Variants in NAA60 observed in about 807,000 individuals in gnomAD.
NAA60 encodes the protein N-alpha-acetyltransferase 60, NatF catalytic subunit, also known as N-alpha-acetyltransferase 60.
A neutral mutation model predicts 26.1 loss-of-function variants in NAA60; 8 were observed. The observed-to-expected ratio is 0.31, with a 90% CI of 0.18 to 0.55. The LOEUF (loss-of-function observed/expected upper bound fraction) is 0.55. NAA60 is among the 20% of genes least tolerant of loss of function. The pLI, the probability that NAA60 is intolerant of heterozygous loss-of-function variation, is 0.93. For missense variants in NAA60, 290 were observed against 311.3 expected, an observed-to-expected ratio of 0.93 and a Z score of 0.51; for synonymous variants, 131 against 122.5, an observed-to-expected ratio of 1.07 and a Z score of -0.46.
rs577401926 is a variant in NAA60 at position 3,458,958 on chromosome 16, G to A, written c.-7+10418G>A. Among the ~76,000 whole-genome samples the A allele has an allele frequency of 6.6e-5, 10 of 152,320 alleles. No homozygotes were observed. In the East Asian group the frequency reaches 1.9e-3, roughly 29 times the overall value. On this transcript the variant is annotated intron_variant, in intron 2 of 7. Transcript: ENST00000407558. ...AAATCTGTGTGCCCAAACGGAGACA[G>A]GACCCAGGGTCTGGACATCAGGCAA...
chr16:3,469,011 G>A (rs964741670), intron 2 of NAA60, among the ~76,000 whole-genome samples: 14 of 152,004 alleles, frequency 9.2e-5, no homozygotes, highest in South Asian at 4.2e-4. Flanking sequence ...GCTTGAACTC[G>A]GGAGGCAGAA....
At chr16:3,448,943 C>G (rs563229823) in intron 2 of NAA60, 23 of 163,966 alleles carry the variant, frequency 1.4e-4, no homozygotes, top group Non-Finnish European at 2.5e-4. Flanking sequence ...GGTGGTCATC[C>G]TGTGCCACCT....
intron 2 of NAA60, among the ~76,000 whole-genome samples, chr16:3,469,083 C>G (rs1163705767): frequency 1.5e-5 from 2 of 131,948 alleles, no homozygotes; most frequent in Admixed American, 7.7e-5. Flanking sequence ...CAGACAACAT[C>G]TCAAAAAAAA....
rs139994954 is a variant in NAA60, at chr16:3,469,000, C to T, written c.-6-7222C>T. Among the ~76,000 whole-genome samples, 903 of 151,832 alleles carry T rather than the reference C, an allele frequency of 5.9e-3. 15 individuals are homozygous for T. The highest frequency in any genetic ancestry group is 0.02 in the African/African-American group (834 of 41,416). ...ACTTAGGAGGCTGCGGCGTGAGAATCGCTTGAACTCGGGAGGCAGAAGTTG... is the reference window on the plus strand; with the variant it reads ...ACTTAGGAGGCTGCGGCGTGAGAATTGCTTGAACTCGGGAGGCAGAAGTTG... On this transcript the variant is annotated intron_variant, in intron 2 of 7. Transcript: ENST00000407558.
At chr16:3,456,461 T>A (rs1429086516) in intron 2 of NAA60, among the ~76,000 whole-genome samples, 2 of 151,864 alleles carry the variant, frequency 1.3e-5, no homozygotes, top group Non-Finnish European at 2.9e-5. Context: ...TTTAACCCCA[T>A]CTTTTATTTT....
At chr16:3,463,083 C>G (rs2035514827) in intron 2 of NAA60, among the ~76,000 whole-genome samples, 1 of 152,088 alleles carries the variant, frequency 6.6e-6, no homozygotes, top group South Asian at 2.1e-4. Flanking sequence ...ACATTTATTT[C>G]CGGGATGAGT....
intron 3 of NAA60, among the ~76,000 whole-genome samples, chr16:3,478,965 G>C (rs538253854): frequency 6.6e-6 from 1 of 152,124 alleles, no homozygotes; most frequent in East Asian, 1.9e-4. Context: ...GCCAGGCGCG[G>C]TGGCTCACAC....
intron 2 of NAA60, among the ~76,000 whole-genome samples, chr16:3,463,062 C>G (rs889685500): frequency 6.6e-6 from 1 of 152,166 alleles, no homozygotes; most frequent in African/African-American, 2.4e-5. Flanking sequence ...GACTTTGACT[C>G]TGTGTTTAGA....
Position 3,483,398 on chromosome 16 carries a change from T to G in NAA60, c.373T>G (p.Ser125Ala), listed in dbSNP as rs1182820350. Residue 125 changes from serine (S) to alanine (A), a missense_variant, in exon 6 of 8, where the codon TCA becomes GCA. Coordinates refer to ENST00000407558, the MANE Select transcript of NAA60 (RefSeq NM_001083601.3). ...ACTTGAAAGTTTAAAGGATCACATA[T>G]CAACCACCGCCCAGGACCACTGCAA... ...LLLESLKDHI[S>A]TTAQDHCKAI... The G allele has an allele frequency of 1.2e-6, 2 of 1,613,362 alleles. No individual in the cohort carries two copies. The highest frequency in any genetic ancestry group is 4.5e-5 in the East Asian group (2 of 44,874).
intron 2 of NAA60, among the ~76,000 whole-genome samples, chr16:3,459,840 A>G (rs1018332857): frequency 6.6e-6 from 1 of 152,230 alleles, no homozygotes; most frequent in African/African-American, 2.4e-5. Flanking sequence ...TGTTTTGACC[A>G]GGCCGGGACA....
intron 4 of NAA60, among the ~76,000 whole-genome samples, chr16:3,480,457 C>T (rs1474903302): frequency 6.7e-6 from 1 of 150,342 alleles, no homozygotes; most frequent in East Asian, 2.0e-4. Flanking sequence ...ATTAGCCGGG[C>T]GTGGTGGCAG....
intron 2 of NAA60, among the ~76,000 whole-genome samples, chr16:3,465,600 A>C (rs1437241873): frequency 6.6e-6 from 1 of 151,770 alleles, no homozygotes; most frequent in African/African-American, 2.4e-5. Context: ...CTCTGGGGGG[A>C]CCCTGCGTGT....
chr16:3,449,699 T>C (rs2150945835), intron 2 of NAA60, among the ~76,000 whole-genome samples: 1 of 152,230 alleles, frequency 6.6e-6, no homozygotes, highest in Admixed American at 6.5e-5. Context: ...GGTTTGGCTG[T>C]GTCCCCACCC....
At chr16:3,478,287 C>CT (rs1296078251) in intron 3 of NAA60, among the ~76,000 whole-genome samples, 2 of 152,184 alleles carry the variant, frequency 1.3e-5, no homozygotes, top group Non-Finnish European at 2.9e-5. Flanking sequence ...CTGCTGGAAA[C>CT]TAATCTAGAG....
At chr16:3,451,106 AT>A (rs1416192230) in intron 2 of NAA60, among the ~76,000 whole-genome samples, 1 of 152,158 alleles carries the variant, frequency 6.6e-6, no homozygotes, top group Non-Finnish European at 1.5e-5. Flanking sequence ...TGCTTATCAG[AT>A]TGTCTTGTAA....
chr16:3,475,471 C>CCTGG (rs2036421853), intron 2 of NAA60, among the ~76,000 whole-genome samples: 1 of 152,082 alleles, frequency 6.6e-6, no homozygotes, highest in Non-Finnish European at 1.5e-5. Flanking sequence ...CAGCACTTGG[C>CCTGG]CGGCCAGCCT....
At chr16:3,483,328 C>A in intron 5 of NAA60, 35 bp from the exon 6 acceptor site, 1 of 1,492,610 alleles carries the variant, frequency 6.7e-7, no homozygotes, top group Non-Finnish European at 9.2e-7. Context: ...TTCCTAACTG[C>A]TCTGCCTGCA....
intron 2 of NAA60, among the ~76,000 whole-genome samples, chr16:3,451,917 CA>C (rs1304441147): frequency 3.8e-4 from 53 of 140,280 alleles, no homozygotes; most frequent in East Asian, 2.9e-3. Context: ...GACCCTGTCT[CA>C]AAAAAAAAAA....
In NAA60 at chr16:3,477,341, A is replaced by G. The variant is rs867435663; in HGVS notation, c.110+1004A>G. Among the ~76,000 whole-genome samples the G allele has an allele frequency of 2.0e-5, 3 of 152,368 alleles. No individual in the cohort carries two copies. In the South Asian group the frequency reaches 6.2e-4, roughly 32 times the overall value. The stretch of plus-strand genomic sequence containing the variant: ...TTGACACAAACTTTGAAAATGGAAA[A>G]TAAACAAGATCTTGCCAGCCACCAG... On this transcript the variant is annotated intron_variant, in intron 3 of 7. Transcript: ENST00000407558.
Sources: allele counts gnomAD v4.1 joint callset (sites outside exome capture counted in the v4.1 genomes callset), GRCh38; gene constraint gnomAD v4.1.1; transcripts MANE v1.5; gene names NCBI Gene and HGNC (gene_info 2026-07-23, HGNC 2026-07-21).